SMPD3: variants seen among roughly 807,000 people sequenced by gnomAD.
SMPD3 encodes nSMase-2.
A neutral mutation model predicts 55.7 loss-of-function variants in SMPD3; 21 were observed. The ratio of observed to expected loss-of-function variants is 0.38; its 90% CI spans 0.27 to 0.54. The LOEUF is 0.54. Among genes scored for constraint, SMPD3 ranks in the 20% least tolerant of loss-of-function variants. The pLI, the probability that SMPD3 is intolerant of heterozygous loss-of-function variation, is 0.80. For missense variants in SMPD3, 842 were observed against 899.6 expected (o/e 0.94, Z 0.82); for synonymous variants, 457 against 404.3 (o/e 1.13, Z -1.56).
rs570118310 is a variant in SMPD3 at position 68,399,176 on chromosome 16, G to A, written c.-268-12517C>T. Among the ~76,000 whole-genome samples the A allele has an allele frequency of 2.6e-5, 4 of 152,320 alleles. No homozygotes were observed. The East Asian group carries it at 7.7e-4, about 29-fold the overall frequency. ...AATGCTGAAGCCAGAAAATGTCCCT[G>A]TGGGTGGGCTTGGGGGGAGGTCACT... On this transcript the variant is annotated intron_variant, in intron 1 of 8. Transcript: ENST00000219334.
At chr16:68,410,497 T>A (rs2090290361) in intron 1 of SMPD3, among the ~76,000 whole-genome samples, 1 of 152,108 alleles carries the variant, frequency 6.6e-6, no homozygotes, top group African/African-American at 2.4e-5. Context: ...TGTCCTCTAT[T>A]TCTATGTGCT....
chr16:68,415,306 C>T (rs191032354), intron 1 of SMPD3, among the ~76,000 whole-genome samples: 10 of 152,136 alleles, frequency 6.6e-5, no homozygotes, highest in East Asian at 5.8e-4. Context: ...GGCTAGAGAG[C>T]GTGGAGTGGG....
In SMPD3 at chr16:68,398,079, C is replaced by T. The variant is rs949110338; in HGVS notation, c.-268-11420G>A. On this transcript the variant is annotated intron_variant, in intron 1 of 8. Transcript: ENST00000219334. ...GGAGGGAGTCCAAGAGGTGGGTGGG[C>T]GTCTGGAATGTGCTAGGGCTGTGGC... Among the ~76,000 whole-genome samples the T allele has an allele frequency of 6.6e-5, 10 of 151,986 alleles. 1 individual carries two copies. The highest frequency in any genetic ancestry group is 2.4e-4 in the African/African-American group (10 of 41,454).
intron 2 of SMPD3, among the ~76,000 whole-genome samples, chr16:68,374,733 C>T (rs923342423): frequency 2.0e-5 from 3 of 152,228 alleles, no homozygotes; most frequent in Non-Finnish European, 4.4e-5. Context: ...GGTTCCCCCC[C>T]AGCAAACCTG....
At position 68,360,973 on chromosome 16, in the gene SMPD3, A is replaced by G. The variant is rs2089225892; in HGVS notation, c.*233T>C. 2 of 523,816 alleles carry G rather than the reference A, an allele frequency of 3.8e-6. No individual in the cohort carries two copies. Among genetic ancestry groups the G allele is most frequent in the East Asian group, 6.3e-5 (2 of 31,602 alleles). 32.4% of individuals were successfully genotyped at this position (523,816 alleles called of 1,614,324 possible). ...GATTTGTAGAAAATCGTGTTGTGAA[A>G]GAATGGCACTGGTTAGGCAGCTGGA... On this transcript the variant is annotated 3_prime_UTR_variant, in exon 9 of 9. Coordinates refer to ENST00000219334, the MANE Select transcript of SMPD3 (RefSeq NM_018667.4).
At chr16:68,402,781 ATTGG>A (rs2090222269) in intron 1 of SMPD3, among the ~76,000 whole-genome samples, 1 of 152,222 alleles carries the variant, frequency 6.6e-6, no homozygotes, top group Non-Finnish European at 1.5e-5. Flanking sequence ...GCCTTTCCTG[ATTGG>A]ATGCTGGAAT....
intron 1 of SMPD3, among the ~76,000 whole-genome samples, chr16:68,436,872 G>A (rs543363196): frequency 2.6e-5 from 4 of 152,210 alleles, no homozygotes; most frequent in Middle Eastern, 3.4e-3. Context: ...GACTGTATAC[G>A]AGCTTCTGAA....
chr16:68,396,700 A>G (rs2090160656), intron 1 of SMPD3, among the ~76,000 whole-genome samples: 1 of 152,216 alleles, frequency 6.6e-6, no homozygotes, highest in South Asian at 2.1e-4. Context: ...CATCACCAGA[A>G]GGTTCGATTC....
rs779744838 is a variant in SMPD3 at position 68,361,705 on chromosome 16, C to T, written c.1764G>A (p.Lys588=). 1.3e-5 allele frequency: 21 copies of T among 1,613,066 alleles called. No individual in the cohort carries two copies. The highest frequency in any genetic ancestry group is 2.2e-5 in the East Asian group (1 of 44,892). Residue 588 remains lysine (K), a synonymous_variant, in exon 8 of 9, where the codon AAG becomes AAA. Coordinates refer to ENST00000219334, the MANE Select transcript of SMPD3 (RefSeq NM_018667.4). ...CCTTCCGCCCCTTCTGGCCCGAGCT[C>T]TTGCTGGTGGGAAACGCCAGGTACT... ...RREYLAFPTS[K]SSGQKGRKEL...
chr16:68,361,370 C>G (rs934208816), intron 8 of SMPD3, 63 bp from the exon 9 acceptor site: 1 of 1,520,874 alleles, frequency 6.6e-7, no homozygotes, highest in Non-Finnish European at 9.0e-7. Context: ...TTGCAGGGAG[C>G]GGCCTGGGGA....
chr16:68,439,659 G>A (rs1245025101), intron 1 of SMPD3, among the ~76,000 whole-genome samples: 1 of 152,172 alleles, frequency 6.6e-6, no homozygotes, highest in Non-Finnish European at 1.5e-5. Flanking sequence ...TTTCTTTACA[G>A]TTCAACGTGC....
chr16:68,370,730 G>A (rs1698282983), intron 3 of SMPD3, 129 bp downstream of exon 3: 8 of 1,244,324 alleles, frequency 6.4e-6, no homozygotes, highest in Admixed American at 4.7e-5. Context: ...GAAAGACCGC[G>A]TCTGCCTCCC....
intron 1 of SMPD3, among the ~76,000 whole-genome samples, chr16:68,393,767 T>C (rs955366792): frequency 5.9e-5 from 9 of 152,228 alleles, no homozygotes; most frequent in Admixed American, 3.9e-4. Flanking sequence ...TATATTTTTG[T>C]AAAAATCAGA....
At chr16:68,442,751 C>T (rs1050670132) in intron 1 of SMPD3, among the ~76,000 whole-genome samples, 6 of 152,162 alleles carry the variant, frequency 3.9e-5, no homozygotes, top group South Asian at 2.1e-4. Flanking sequence ...TCTTATTACA[C>T]GCTGTTCTGA....
chr16:68,361,563 C>T, intron 8 of SMPD3, 40 bp downstream of exon 8: 3 of 1,600,582 alleles, frequency 1.9e-6, no homozygotes, highest in Non-Finnish European at 2.5e-6. Context: ...GCCCTGCTCT[C>T]TCTTTGCATG....
rs969739629 is a variant in SMPD3 at position 68,447,729 on chromosome 16, G to A, written c.-269+624C>T. Among the ~76,000 whole-genome samples, 6 of 151,792 alleles carry A rather than the reference G, an allele frequency of 4.0e-5. No individual in the cohort carries two copies. The East Asian group carries it at 5.8e-4, about 15-fold the overall frequency. On this transcript the variant is annotated intron_variant, in intron 1 of 8. Transcript: ENST00000219334. The surrounding 1 kb of genome is among the most constrained non-coding windows in gnomAD (Gnocchi z 5.1). ...TAACCTAGGAGGGTCCAAGTGGGAG[G>A]GGTAAGAGTCCTCTGTCTCTTCCAC...
chr16:68,399,298 T>C (rs1199668440), intron 1 of SMPD3, among the ~76,000 whole-genome samples: 1 of 152,202 alleles, frequency 6.6e-6, no homozygotes, highest in Non-Finnish European at 1.5e-5. Flanking sequence ...GCTCCTGCTC[T>C]GGGTTCAAGG....
intron 2 of SMPD3, among the ~76,000 whole-genome samples, chr16:68,375,164 C>T (rs1172590670): frequency 6.6e-6 from 1 of 152,138 alleles, no homozygotes; most frequent in Non-Finnish European, 1.5e-5. Context: ...AAGCCCACCA[C>T]CAGTGTGCAG....
chr16:68,391,466 G>T (rs571180656), intron 1 of SMPD3, among the ~76,000 whole-genome samples: 2 of 152,328 alleles, frequency 1.3e-5, no homozygotes, highest in Admixed American at 6.5e-5. Context: ...CTGGCCCTGG[G>T]CAACACTGGG....
Sources: gnomAD v4.1 joint callset for allele counts (sites outside exome capture counted in the v4.1 genomes callset) on GRCh38, gnomAD v4.1.1 for gene constraint, Gnocchi (gnomAD v3.1) non-coding constraint, MANE v1.5 for transcripts, NCBI Gene and HGNC (gene_info 2026-07-23, HGNC 2026-07-21) for gene names.